The following C1orf141 variants were observed in gnomAD, a reference collection of about 807,000 sequenced individuals.
C1orf141 encodes the protein chromosome 1 open reading frame 141.
In C1orf141, 19 loss-of-function variants were observed where a neutral mutation model predicts 23.2. That is an observed-to-expected ratio of 0.82 (90% CI 0.57 to 1.20). C1orf141 has a LOEUF of 1.20. C1orf141 is among the 50% of genes most tolerant of loss of function. C1orf141 has a pLI of 0.00. For synonymous variants in C1orf141, 153 were observed against 154.6 expected, an observed-to-expected ratio of 0.99 and a Z score of 0.08; for missense variants, 469 against 455.1, an observed-to-expected ratio of 1.03 and a Z score of -0.28.
chr1:67,106,927 C>A (rs565807054), intron 5 of C1orf141, among the ~76,000 whole-genome samples: 17 of 152,206 alleles, frequency 1.1e-4, no homozygotes, highest in South Asian at 2.1e-4. Context: ...GATTCAGGAA[C>A]CTGTAGGACA....
At chr1:67,095,164 A>T (rs1645645688) in intron 7 of C1orf141, 71 bp downstream of exon 7, 1 of 898,548 alleles carries the variant, frequency 1.1e-6, no homozygotes, top group African/African-American at 1.7e-5. Context: ...TGGTCACTAA[A>T]ATATATGGGT....
chr1:67,111,742 A>G, intron 5 of C1orf141: 1 of 492,762 alleles, frequency 2.0e-6, no homozygotes, highest in Non-Finnish European at 3.6e-6. Context: ...TAAGAAATGT[A>G]AAAGAATAAT....
intron 4 of C1orf141, among the ~76,000 whole-genome samples, chr1:67,120,538 T>C (rs974051419): frequency 6.6e-6 from 1 of 152,150 alleles, no homozygotes; most frequent in Non-Finnish European, 1.5e-5. Context: ...GTTATGGTTT[T>C]GGGAGGTGCA....
chr1:67,122,640 TA>T (rs1646322322), intron 4 of C1orf141: 1 of 152,222 alleles, frequency 6.6e-6, no homozygotes, highest in South Asian at 2.1e-4. Context: ...TTGATCTATT[TA>T]TGTTTTCTTT....
At chr1:67,141,413 A>G (rs914941492) in intron 1 of C1orf141, among the ~76,000 whole-genome samples, 1 of 152,074 alleles carries the variant, frequency 6.6e-6, no homozygotes, top group Non-Finnish European at 1.5e-5. Flanking sequence ...AAAAGTCAAA[A>G]GCCTCTTAAA....
Position 67,125,908 on chromosome 1 carries a change from A to G in C1orf141, c.77T>C (p.Ile26Thr). ...AEIILARRTK[I>T]NRLQSEGRKT... ...TCTTCCTTCACTCTGAAGCCTGTTT[A>G]TCTGCAGCAATGCCAAAGTGAAAAA... Residue 26 changes from isoleucine (I) to threonine (T), a missense_variant and splice_region_variant, in exon 4 of 8, where the codon ATA becomes ACA. This residue lies in a region of C1orf141 where 95 missense variants were observed against 90.3 expected (regional missense o/e 1.05). Transcript: ENST00000684719. 2 of 1,498,742 alleles carry G rather than the reference A, an allele frequency of 1.3e-6. No individual in the cohort carries two copies. The highest frequency in any genetic ancestry group is 1.8e-6 in the Non-Finnish European group (2 of 1,112,762). 92.8% of individuals were successfully genotyped at this position (1,498,742 alleles called of 1,614,324 possible). A position where few individuals can be genotyped will look rare whatever the true frequency, so the allele number is the denominator to read the frequency against.
At chr1:67,115,916 A>G (rs1206979700) in intron 4 of C1orf141, among the ~76,000 whole-genome samples, 1 of 152,190 alleles carries the variant, frequency 6.6e-6, no homozygotes, top group Non-Finnish European at 1.5e-5. Context: ...GTGATGGTAT[A>G]TTAGAAAATT....
intron 2 of C1orf141, 93 bp downstream of exon 2, chr1:67,131,049 G>A (rs1646507190): frequency 6.6e-6 from 1 of 152,298 alleles, no homozygotes; most frequent in Admixed American, 6.5e-5. Context: ...ATATGATGGT[G>A]TTCCCCAACT....
Position 67,095,273 on chromosome 1 carries a change from C to T in C1orf141, c.565G>A (p.Val189Ile), listed in dbSNP as rs11208997. 1,401,601 of 1,595,696 alleles carry T rather than the reference C, an allele frequency of 0.88. 617,318 individuals carry two copies. The highest frequency in any genetic ancestry group is 0.98 in the East Asian group (43,794 of 44,804). ...ACTGTCTTTGTTGGACTAACGTTGACTATCTTGGCATGTGGATTTTTCAAT... is the reference window on the plus strand; with the variant it reads ...ACTGTCTTTGTTGGACTAACGTTGATTATCTTGGCATGTGGATTTTTCAAT... Reference protein sequence around the residue: ...DELKNPHAKIVNVSPTKTVTS... With the variant: ...DELKNPHAKIINVSPTKTVTS... The change falls in exon 7 of 8, where the codon GTC (valine) becomes ATC (isoleucine). Residue 189 changes from valine to isoleucine, a missense_variant. This residue lies in a region of C1orf141 where 370 missense variants were observed against 348.1 expected (regional missense o/e 1.06). Transcript: ENST00000684719.
Position 67,096,267 on chromosome 1 carries a change from C to T in C1orf141, c.401G>A (p.Gly134Asp), listed in dbSNP as rs1645677992. The T allele has an allele frequency of 6.7e-7, 1 of 1,498,342 alleles. No individual in the cohort carries two copies. The highest frequency in any genetic ancestry group is 9.1e-7 in the Non-Finnish European group (1 of 1,098,022). 92.8% of individuals were successfully genotyped at this position (1,498,342 alleles called of 1,614,324 possible). ...AATAAATTACCTTTTATTTCTATCA[C>T]CTTCTAAGAGACCAACAGAATCCAA... ...KPLDSVGLLEGDRNKRKKSPQ... is the reference protein window; with the variant it reads ...KPLDSVGLLEDDRNKRKKSPQ... Residue 134 changes from glycine to aspartate, a missense_variant, in exon 6 of 8, where the codon GGT becomes GAT. Physicochemically the swap from Gly to Asp is moderately conservative, Grantham distance 94. Transcript: ENST00000684719.
chr1:67,096,120 G>T, intron 6 of C1orf141, 132 bp downstream of exon 6: 1 of 583,566 alleles, frequency 1.7e-6, no homozygotes, highest in Non-Finnish European at 3.1e-6. Context: ...AGCAGTCTTG[G>T]ACCATTCATT....
upstream of C1orf141, among the ~76,000 whole-genome samples, chr1:67,138,537 G>A (rs903177581): frequency 6.6e-6 from 1 of 151,782 alleles, no homozygotes; most frequent in Non-Finnish European, 1.5e-5. Flanking sequence ...TTGTGTGTGT[G>A]TTTTTTTTCT....
intron 5 of C1orf141, among the ~76,000 whole-genome samples, chr1:67,112,404 A>C (rs187702811): frequency 4.6e-5 from 7 of 152,228 alleles, no homozygotes; most frequent in Admixed American, 2.0e-4. Context: ...ATAAACAAAC[A>C]AAAAAACAAG....
At chr1:67,095,648 G>A (rs12064473) in intron 6 of C1orf141, 54 of 374,090 alleles carry the variant, frequency 1.4e-4, no homozygotes, top group African/African-American at 1.0e-3. Context: ...TTTGGATTTT[G>A]AGTGGGGACG....
upstream of C1orf141, among the ~76,000 whole-genome samples, chr1:67,138,224 C>T (rs1646602555): frequency 1.3e-5 from 2 of 152,188 alleles, no homozygotes; most frequent in African/African-American, 4.8e-5. Context: ...TATCCCCTAA[C>T]TCTGAAATAT....
chr1:67,126,148 A>T (rs975459034), intron 3 of C1orf141, among the ~76,000 whole-genome samples: 16 of 152,082 alleles, frequency 1.1e-4, no homozygotes, highest in African/African-American at 3.9e-4. Flanking sequence ...ATGTGGGGGT[A>T]GGACTTGAGG....
upstream of C1orf141, among the ~76,000 whole-genome samples, chr1:67,138,354 T>C (rs925637749): frequency 6.6e-6 from 1 of 152,234 alleles, no homozygotes; most frequent in African/African-American, 2.4e-5. Flanking sequence ...TATTTGTGAA[T>C]CCAATGGACG....
At chr1:67,103,464 T>C in intron 5 of C1orf141, 1 of 782,122 alleles carries the variant, frequency 1.3e-6, no homozygotes, top group Non-Finnish European at 1.8e-6. Flanking sequence ...GCTTGAGTAT[T>C]CACATTTGCA....
At chr1:67,103,721 G>T (rs1433302533) in intron 5 of C1orf141, among the ~76,000 whole-genome samples, 5 of 152,002 alleles carry the variant, frequency 3.3e-5, no homozygotes, top group Non-Finnish European at 5.9e-5. Context: ...AAGTTCAAAT[G>T]CTGGGAAATA....
Sources: gnomAD v4.1 joint callset for allele counts (sites outside exome capture counted in the v4.1 genomes callset) on GRCh38, gnomAD v4.1.1 for gene constraint, gnomAD v4.1.1 regional missense constraint, MANE v1.5 for transcripts, NCBI Gene and HGNC (gene_info 2026-07-23, HGNC 2026-07-21) for gene names.